NMS: variants seen among roughly 807,000 people sequenced by gnomAD.
NMS encodes the protein neuromedin S, also known as neuromedin-S.
In NMS, 30 loss-of-function variants were observed where a neutral mutation model predicts 32.2. That is an observed-to-expected ratio of 0.93 (90% CI 0.70 to 1.26). The LOEUF (loss-of-function observed/expected upper bound fraction) is 1.26, where lower values mean the gene tolerates loss of function less well. Ranked by LOEUF, NMS falls within the 50% of genes most tolerant of loss-of-function variation. The probability of loss-of-function intolerance (pLI) is 0.00; values close to 1 mark genes in which losing one functional copy is unlikely to be tolerated. For synonymous variants in NMS, 76 were observed against 58.5 expected, an observed-to-expected ratio of 1.30 and a Z score of -1.37; for missense variants, 190 against 186.3, an observed-to-expected ratio of 1.02 and a Z score of -0.12.
At position 100,477,429 on chromosome 2, in the gene NMS, A is replaced by G. The variant is rs1336061675; in HGVS notation, c.261+15A>G. On this transcript the variant is annotated intron_variant, in intron 5 of 9. Coordinates refer to ENST00000376865, the MANE Select transcript of NMS (RefSeq NM_001011717.1). ...TTAAAACTGGGGTCAGTATTTTATT[A>G]TAATCATCTGTCTGTAAAAGTGGCT... is the stretch of plus-strand genomic sequence containing the variant. 3.8e-6 allele frequency: 6 copies of G among 1,598,484 alleles called. No individual in the cohort carries two copies. The highest frequency in any genetic ancestry group is 1.1e-5 in the South Asian group (1 of 90,390).
At position 100,482,326 on chromosome 2, in the gene NMS, A is replaced by T. The variant is rs369853283; in HGVS notation, c.449+15A>T. On this transcript the variant is annotated intron_variant, in intron 9 of 9. Transcript: ENST00000376865. ...GATGAGGCCCAGTAGGTAGTCCAAGATCAGCTTCATCACCCTTTTTCTCTT... is the reference window on the plus strand; with the variant it reads ...GATGAGGCCCAGTAGGTAGTCCAAGTTCAGCTTCATCACCCTTTTTCTCTT... 6 of 1,612,684 alleles carry T rather than the reference A, an allele frequency of 3.7e-6. No individual in the cohort carries two copies. Among genetic ancestry groups the T allele is most frequent in the Non-Finnish European group, 5.1e-6 (6 of 1,178,842 alleles).
chr2:100,481,147 C>A lies in NMS; in HGVS notation c.394C>A (p.Arg132=), dbSNP rs142655356. 3 of 1,614,076 alleles carry A rather than the reference C, an allele frequency of 1.9e-6. No individual in the cohort carries two copies. Among genetic ancestry groups the A allele is most frequent in the South Asian group, 2.2e-5 (2 of 91,080 alleles). Reference sequence around the variant, plus strand: ...GCAGGATCACACTGCGACCTGGGGACGACCCTTTTTCCTTTTCAGGGTATA... The same window carrying A: ...GCAGGATCACACTGCGACCTGGGGAAGACCCTTTTTCCTTTTCAGGGTATA... ...TKKDHTATWG[R]PFFLFRPRNG... The change falls in exon 8 of 10, where the codon CGA becomes AGA. Residue 132 remains arginine, a synonymous_variant. Coordinates refer to ENST00000376865, the MANE Select transcript of NMS (RefSeq NM_001011717.1).
chr2:100,471,245 AC>A (rs1432371853), intron 1 of NMS, among the ~76,000 whole-genome samples: 1 of 152,242 alleles, frequency 6.6e-6, no homozygotes, highest in Non-Finnish European at 1.5e-5. Flanking sequence ...CAGAACAACT[AC>A]GGTTGGAAAC....
rs751283405 is a variant in NMS, at chr2:100,482,263, C to T, written c.415-14C>T. The T allele has an allele frequency of 3.1e-6, 5 of 1,613,238 alleles. No homozygotes were observed. The highest frequency in any genetic ancestry group is 3.3e-5 in the Admixed American group (2 of 59,968). ...TGTGTCTCAGTATTCATAAGTTGCTCCTTTTTTTTTCAGCCCAGGAATGGA... is the reference window on the plus strand; with the variant it reads ...TGTGTCTCAGTATTCATAAGTTGCTTCTTTTTTTTTCAGCCCAGGAATGGA... On this transcript the variant is annotated splice_polypyrimidine_tract_variant and intron_variant, in intron 8 of 9. Coordinates refer to ENST00000376865, the MANE Select transcript of NMS (RefSeq NM_001011717.1).
At chr2:100,472,910 T>C (rs1677028196) in intron 2 of NMS, 60 bp downstream of exon 2, 2 of 1,052,610 alleles carry the variant, frequency 1.9e-6, no homozygotes, top group Non-Finnish European at 2.9e-6. Context: ...ATACATCATG[T>C]GTATAATGTT....
chr2:100,479,534 C>A, intron 6 of NMS, 107 bp downstream of exon 6: 1 of 973,728 alleles, frequency 1.0e-6, no homozygotes, highest in Non-Finnish European at 1.5e-6. Flanking sequence ...CTCCTCAAAT[C>A]TTAGTCTCCA....
intron 8 of NMS, among the ~76,000 whole-genome samples, chr2:100,481,898 A>G (rs555084171): frequency 6.6e-6 from 1 of 152,262 alleles, no homozygotes; most frequent in African/African-American, 2.4e-5. Flanking sequence ...TCTCACTCCC[A>G]TGGGTCTGTA....
chr2:100,471,303 A>G (rs1677003192), intron 1 of NMS, among the ~76,000 whole-genome samples: 1 of 152,230 alleles, frequency 6.6e-6, no homozygotes, highest in Admixed American at 6.5e-5. Context: ...TTAGGGGAGT[A>G]GAAAATCTTT....
intron 5 of NMS, among the ~76,000 whole-genome samples, chr2:100,478,384 C>G (rs1025347583): frequency 3.3e-5 from 5 of 152,140 alleles, no homozygotes; most frequent in African/African-American, 7.2e-5. Context: ...AGCAAATAAC[C>G]AGGAAAAAAA....
At chr2:100,482,609 G>A (rs1677241056) in intron 9 of NMS, among the ~76,000 whole-genome samples, 1 of 152,136 alleles carries the variant, frequency 6.6e-6, no homozygotes, top group Non-Finnish European at 1.5e-5. Flanking sequence ...CAGGCTCATT[G>A]CAGCCCAGCT....
In NMS at chr2:100,481,147, C is replaced by T. The variant is rs142655356; in HGVS notation, c.394C>T (p.Arg132Ter). 8.4e-5 allele frequency: 135 copies of T among 1,614,072 alleles called. No homozygotes were observed. The highest frequency in any genetic ancestry group is 8.2e-4 in the Middle Eastern group (5 of 6,062). ...GCAGGATCACACTGCGACCTGGGGA[C>T]GACCCTTTTTCCTTTTCAGGGTATA... ...TKKDHTATWG[R>*]PFFLFRPRNG... Residue 132 changes from arginine to a stop codon, truncating the protein, a stop_gained, in exon 8 of 10, where the codon CGA becomes TGA. Coordinates refer to ENST00000376865, the MANE Select transcript of NMS (RefSeq NM_001011717.1). LOFTEE classifies it high-confidence loss of function.
At chr2:100,475,637 T>C (rs1260883259) in intron 3 of NMS, among the ~76,000 whole-genome samples, 2 of 152,190 alleles carry the variant, frequency 1.3e-5, no homozygotes, top group African/African-American at 4.8e-5. Flanking sequence ...ATGGCATTTG[T>C]ATACTAGTTG....
In NMS at chr2:100,473,512, G is replaced by A. The variant is rs1573233911; in HGVS notation, c.156G>A (p.Gln52=). ...QLEQLAYCLS[Q]WAPLSRQPKD... Reference sequence around the variant, plus strand: ...AGCAGCTGGCATATTGTCTGAGTCAGTGGGCACCTCTTTCTCGCCAACCTA... The same window carrying A: ...AGCAGCTGGCATATTGTCTGAGTCAATGGGCACCTCTTTCTCGCCAACCTA... The change falls in exon 3 of 10, where the codon CAG becomes CAA. Residue 52 remains glutamine (Q), a synonymous_variant. Transcript: ENST00000376865. 3 of 1,479,220 alleles carry A rather than the reference G, an allele frequency of 2.0e-6. No homozygotes were observed. Among genetic ancestry groups the A allele is most frequent in the Non-Finnish European group, 2.7e-6 (3 of 1,103,894 alleles). The allele number at this position is 1,479,220 out of a possible 1,614,324, so 91.6% of individuals were successfully genotyped here.
intron 1 of NMS, among the ~76,000 whole-genome samples, chr2:100,472,538 G>A (rs755642295): frequency 2.6e-5 from 4 of 152,128 alleles, no homozygotes; most frequent in Admixed American, 2.6e-4. Flanking sequence ...GAACACTCAT[G>A]GTAAATTAAC....
intron 3 of NMS, among the ~76,000 whole-genome samples, chr2:100,476,192 AAC>A (rs559179428): frequency 1.3e-5 from 2 of 151,834 alleles, no homozygotes; most frequent in African/African-American, 2.4e-5. Flanking sequence ...AGTGTCCATA[AAC>A]ACACACACAC....
intron 5 of NMS, 140 bp from the exon 6 acceptor site, chr2:100,479,213 T>A: frequency 1.8e-6 from 1 of 563,304 alleles, no homozygotes; most frequent in East Asian, 3.2e-5. Context: ...AGGCTTTGGC[T>A]CAAAAATGGG....
At chr2:100,473,450 C>T (rs777878404) in intron 2 of NMS, 39 bp from the exon 3 acceptor site, 28 of 1,276,122 alleles carry the variant, frequency 2.2e-5, no homozygotes, top group Non-Finnish European at 2.9e-5. Flanking sequence ...CTTCATCCCC[C>T]TCATCCCTTT....
chr2:100,471,243 C>G (rs149857323), intron 1 of NMS, among the ~76,000 whole-genome samples: 108 of 152,316 alleles, frequency 7.1e-4, no homozygotes, highest in African/African-American at 2.5e-3. Flanking sequence ...GGCAGAACAA[C>G]TACGGTTGGA....
At chr2:100,474,982 G>T (rs1466121433) in intron 3 of NMS, among the ~76,000 whole-genome samples, 1 of 152,164 alleles carries the variant, frequency 6.6e-6, no homozygotes, top group Non-Finnish European at 1.5e-5. Context: ...TGAAGACTGG[G>T]GGTGTCCTCT....
Sources: gnomAD v4.1 joint callset for allele counts (sites outside exome capture counted in the v4.1 genomes callset) on GRCh38, gnomAD v4.1.1 for gene constraint, MANE v1.5 for transcripts, NCBI Gene and HGNC (gene_info 2026-07-23, HGNC 2026-07-21) for gene names.